Variants in MCM9 observed in about 807,000 individuals in gnomAD.
MCM9 encodes DNA helicase MCM9.
MCM9 carries 55 observed loss-of-function variants against 72.8 expected under a neutral mutation model. That is an observed-to-expected ratio of 0.76 (90% CI 0.61 to 0.95). The LOEUF (loss-of-function observed/expected upper bound fraction) is 0.95, where lower values mean the gene tolerates loss of function less well. Among genes scored for constraint, MCM9 ranks in the 40% least tolerant of loss-of-function variants. The pLI, the probability that MCM9 is intolerant of heterozygous loss-of-function variation, is 0.00. For synonymous variants in MCM9, 480 were observed against 503.4 expected (o/e 0.95, Z 0.62); for missense variants, 1,279 against 1,377.0 (o/e 0.93, Z 1.13).
At chr6:118,826,611 G>C (rs752525262) in intron 12 of MCM9, among the ~76,000 whole-genome samples, 171 bp downstream of exon 12, 1 of 151,978 alleles carries the variant, frequency 6.6e-6, no homozygotes, top group Non-Finnish European at 1.5e-5. Context: ...AATATCTCCA[G>C]GACACTGTTT....
intron 13 of MCM9, among the ~76,000 whole-genome samples, chr6:118,820,262 G>C (rs572178234): frequency 3.3e-4 from 51 of 152,250 alleles, no homozygotes; most frequent in African/African-American, 1.2e-3. Flanking sequence ...GGCGTTTAGT[G>C]CTATAAATTT....
At chr6:118,895,113 G>A (rs536772240) in intron 8 of MCM9, among the ~76,000 whole-genome samples, 29 of 152,248 alleles carry the variant, frequency 1.9e-4, no homozygotes, top group African/African-American at 7.0e-4. Flanking sequence ...CCGCTTCGGG[G>A]AGGAGAGCGA....
intron 8 of MCM9, among the ~76,000 whole-genome samples, chr6:118,887,094 T>C (rs1778653629): frequency 6.6e-6 from 1 of 152,128 alleles, no homozygotes; most frequent in Non-Finnish European, 1.5e-5. Context: ...TTCAATGCAA[T>C]CCCTATCACA....
intron 9 of MCM9, among the ~76,000 whole-genome samples, chr6:118,837,520 T>G (rs1237141656): frequency 6.6e-6 from 1 of 152,222 alleles, no homozygotes; most frequent in Non-Finnish European, 1.5e-5. Context: ...TCTGTAGGTC[T>G]CTAAGAACTT....
At chr6:118,930,445 A>T (rs1782324177) in intron 3 of MCM9, among the ~76,000 whole-genome samples, 1 of 152,202 alleles carries the variant, frequency 6.6e-6, no homozygotes. Context: ...AAGGGTATGT[A>T]TGTTCTCCAA....
chr6:118,824,194 A>AAAGC (rs1036875062), intron 13 of MCM9, among the ~76,000 whole-genome samples: 1 of 152,038 alleles, frequency 6.6e-6, no homozygotes, highest in African/African-American at 2.4e-5. Flanking sequence ...ACCAAACAAA[A>AAAGC]AAGCAAATAG....
At chr6:118,907,801 T>C in intron 8 of MCM9, 2 of 522,818 alleles carry the variant, frequency 3.8e-6, no homozygotes, top group Middle Eastern at 1.0e-3. Context: ...TTTTAAGTAA[T>C]TTTTTTCTCT....
chr6:118,843,668 A>ATATG (rs1562407098), intron 9 of MCM9, among the ~76,000 whole-genome samples: 2 of 55,438 alleles, frequency 3.6e-5, no homozygotes, highest in African/African-American at 7.3e-5. Context: ...GTATATATAT[A>ATATG]TGTATGTATA....
rs1562419763 is a variant in MCM9, at chr6:118,875,663, AT to A, written c.1151-19119del. 1.5e-3 allele frequency among the ~76,000 whole-genome samples: 7 copies of A among 4,740 alleles called. No individual in the cohort carries two copies. The South Asian group carries it at 0.13, about 88-fold the overall frequency. 3.1% of individuals were successfully genotyped at this position (4,740 alleles called of 152,430 possible). A position where few individuals can be genotyped will look rare whatever the true frequency, so the allele number is the denominator to read the frequency against. ...AAAAATAATAATAATAATTAAAATA[AT>A]AATAATAATAATAATAATGACATCT... On this transcript the variant is annotated intron_variant, in intron 8 of 13. Transcript: ENST00000619706.
chr6:118,819,170 G>A (rs1315779392), intron 13 of MCM9, among the ~76,000 whole-genome samples: 1 of 152,172 alleles, frequency 6.6e-6, no homozygotes, highest in Non-Finnish European at 1.5e-5. Context: ...ACTAGGAGTG[G>A]TGAGAGAGGG....
At chr6:118,934,340 T>C (rs566052994) in intron 1 of MCM9, 8 of 152,380 alleles carry the variant, frequency 5.3e-5, no homozygotes, top group Admixed American at 5.2e-4. Flanking sequence ...CAAGTTCTCT[T>C]TCCTTTTCTT....
chr6:118,829,319 T>C (rs1171987594), intron 9 of MCM9, 69 bp from the exon 10 acceptor site: 1 of 1,398,936 alleles, frequency 7.1e-7, no homozygotes, highest in Non-Finnish European at 9.6e-7. Flanking sequence ...CAGCTGTTAA[T>C]AAAATGGGGC....
At chr6:118,822,340 C>T (rs189858733) in intron 13 of MCM9, among the ~76,000 whole-genome samples, 46 of 152,134 alleles carry the variant, frequency 3.0e-4, no homozygotes, top group African/African-American at 1.0e-3. Flanking sequence ...GTTGTTTTTG[C>T]TTTCTGTTTG....
intron 8 of MCM9, among the ~76,000 whole-genome samples, chr6:118,892,835 G>A (rs887003662): frequency 6.6e-6 from 1 of 152,152 alleles, no homozygotes; most frequent in Non-Finnish European, 1.5e-5. Flanking sequence ...CTAAATGTAC[G>A]AGGGGTTGAC....
chr6:118,929,086 G>A (rs1416808107), intron 3 of MCM9, among the ~76,000 whole-genome samples: 1 of 152,072 alleles, frequency 6.6e-6, no homozygotes, highest in Non-Finnish European at 1.5e-5. Flanking sequence ...TGGGCATGGT[G>A]GCACATGCCT....
chr6:118,901,462 A>G (rs983257375), intron 8 of MCM9, among the ~76,000 whole-genome samples: 1 of 152,044 alleles, frequency 6.6e-6, no homozygotes, highest in African/African-American at 2.4e-5. Context: ...ACATTATCTT[A>G]TAAGAGGACT....
At chr6:118,865,690 C>A (rs1777173981) in intron 8 of MCM9, among the ~76,000 whole-genome samples, 1 of 152,132 alleles carries the variant, frequency 6.6e-6, no homozygotes, top group Non-Finnish European at 1.5e-5. Flanking sequence ...TTTGGCTTAC[C>A]CCTATGATAA....
Position 118,924,015 on chromosome 6 carries a change from C to T in MCM9, c.417G>A (p.Leu139=). ...TVIRTSLVKV[L]EFERDYMCNK... ...TACACATGTAATCCCGCTCAAACTCCAGAACCTTCACCAGACTTGTTCGAA... is the reference window on the plus strand; with the variant it reads ...TACACATGTAATCCCGCTCAAACTCTAGAACCTTCACCAGACTTGTTCGAA... Residue 139 remains leucine (L), a synonymous_variant, in exon 4 of 14, where the codon CTG becomes CTA. Coordinates refer to ENST00000619706, the MANE Select transcript of MCM9 (RefSeq NM_017696.3). The T allele has an allele frequency of 6.2e-7, 1 of 1,614,214 alleles. No individual in the cohort carries two copies.
chr6:118,823,744 C>A (rs1244984633), intron 13 of MCM9, among the ~76,000 whole-genome samples: 2 of 151,880 alleles, frequency 1.3e-5, no homozygotes, highest in Non-Finnish European at 1.5e-5. Context: ...TACCAGAAAG[C>A]AGATGAGTAA....
Sources: allele counts gnomAD v4.1 joint callset (sites outside exome capture counted in the v4.1 genomes callset), GRCh38; gene constraint gnomAD v4.1.1; transcripts MANE v1.5; gene names NCBI Gene and HGNC (gene_info 2026-07-23, HGNC 2026-07-21).